SH3KBP1: variants seen among roughly 807,000 people sequenced by gnomAD.
The protein encoded by SH3KBP1 is SH3 domain-containing kinase-binding protein 1.
SH3KBP1 carries 8 observed loss-of-function variants against 50.1 expected under a neutral mutation model. That is an observed-to-expected ratio of 0.16 (90% CI 0.09 to 0.29). The LOEUF (loss-of-function observed/expected upper bound fraction) is 0.29. Among genes scored for constraint, SH3KBP1 ranks in the 10% least tolerant of loss-of-function variants. The pLI is 1.00. For synonymous variants in SH3KBP1, 227 were observed against 218.6 expected (o/e 1.04, Z -0.34); for missense variants, 377 against 535.2 (o/e 0.70, Z 2.92).
At chrX:19,592,203 AC>A in intron 10 of SH3KBP1, 56 bp from the exon 11 acceptor site, 1 of 940,677 alleles carries the variant, frequency 1.1e-6, no homozygotes. Flanking sequence ...CAATTATTAC[AC>A]CCACCAGCAT....
At chrX:19,643,307 A>ATTTTTTTTT (rs1216327847) in intron 7 of SH3KBP1, among the ~76,000 whole-genome samples, 3 of 74,583 alleles carry the variant, frequency 4.0e-5, no homozygotes, top group African/African-American at 1.4e-4. Flanking sequence ...AGAATTTTTT[A>ATTTTTTTTT]TTTTTTTTTT....
At chrX:19,691,289 T>TCGCA (rs1271590660) in intron 5 of SH3KBP1, among the ~76,000 whole-genome samples, 2 of 104,691 alleles carry the variant, frequency 1.9e-5, no homozygotes, top group African/African-American at 7.0e-5. Context: ...AGGTTTACTC[T>TCGCA]CGCACGCACG....
intron 3 of SH3KBP1, among the ~76,000 whole-genome samples, chrX:19,737,098 T>C (rs2064608024): frequency 9.1e-6 from 1 of 110,057 alleles, no homozygotes; most frequent in Admixed American, 9.7e-5. Context: ...ATAGAGACTA[T>C]AAAACATCTC....
intron 1 of SH3KBP1, among the ~76,000 whole-genome samples, chrX:19,836,853 C>T (rs2068073405): frequency 8.9e-6 from 1 of 111,777 alleles, no homozygotes; most frequent in African/African-American, 3.3e-5. Flanking sequence ...TACTCTCATG[C>T]TTTTCTTGTG....
chrX:19,850,012 T>C (rs1238841576), intron 1 of SH3KBP1, among the ~76,000 whole-genome samples: 2 of 111,779 alleles, frequency 1.8e-5, no homozygotes, highest in East Asian at 5.6e-4. Flanking sequence ...CTGGCGTAAC[T>C]CTAGCTGGTG....
chrX:19,589,679 A>G (rs990897176), intron 11 of SH3KBP1, among the ~76,000 whole-genome samples: 1 of 110,711 alleles, frequency 9.0e-6, no homozygotes, highest in Non-Finnish European at 1.9e-5. Context: ...CTTCTTGATA[A>G]AGATGGAACT....
chrX:19,799,600 C>G, intron 2 of SH3KBP1: 1 of 1,191,148 alleles, frequency 8.4e-7, no homozygotes, highest in Non-Finnish European at 1.1e-6. Flanking sequence ...ATGCAGACAT[C>G]GCAACAATCA....
intron 5 of SH3KBP1, among the ~76,000 whole-genome samples, chrX:19,692,021 T>C (rs1176526727): frequency 1.8e-5 from 2 of 111,763 alleles, no homozygotes; most frequent in Admixed American, 9.5e-5. Flanking sequence ...GTTAGAAATT[T>C]TCAATAATAA....
At chrX:19,643,474 T>G (rs2061919319) in intron 7 of SH3KBP1, among the ~76,000 whole-genome samples, 1 of 107,544 alleles carries the variant, frequency 9.3e-6, no homozygotes, top group South Asian at 4.2e-4. Flanking sequence ...TGGGCTCAAG[T>G]GATCCACTTG....
intron 1 of SH3KBP1, among the ~76,000 whole-genome samples, chrX:19,847,205 C>T (rs1389761641): frequency 2.7e-5 from 3 of 111,421 alleles, no homozygotes; most frequent in Non-Finnish European, 5.7e-5. Context: ...GCTTTCTCCC[C>T]GGCAGATTTA....
At chrX:19,628,287 C>T (rs2061499422) in intron 8 of SH3KBP1, among the ~76,000 whole-genome samples, 1 of 111,776 alleles carries the variant, frequency 8.9e-6, no homozygotes, top group African/African-American at 3.3e-5. Flanking sequence ...TTCCCACTTC[C>T]AGGGCCCAAG....
chrX:19,696,143 T>C lies in SH3KBP1; in HGVS notation c.391-402A>G, dbSNP rs776825424. 2.0e-3 allele frequency among the ~76,000 whole-genome samples: 226 copies of C among 111,748 alleles called. 1 individual carries two copies. Among genetic ancestry groups the C allele is most frequent in the Non-Finnish European group, 3.6e-3 (192 of 53,085 alleles). On this transcript the variant is annotated intron_variant, in intron 4 of 17. Transcript: ENST00000397821. ...TATCTCAAAATATCGTATGTGCTCA[T>C]TGCTGCTTTGAAATGGTGATAGTTA...
chrX:19,817,677 C>T (rs2067398023), intron 2 of SH3KBP1, among the ~76,000 whole-genome samples: 1 of 111,353 alleles, frequency 9.0e-6, no homozygotes, highest in African/African-American at 3.3e-5. Flanking sequence ...CTCTGTTGCC[C>T]AGGCTGGAGT....
At chrX:19,713,397 G>C (rs893353405) in intron 3 of SH3KBP1, among the ~76,000 whole-genome samples, 1 of 108,945 alleles carries the variant, frequency 9.2e-6, no homozygotes, top group African/African-American at 3.3e-5. Context: ...TGGGTAGCTG[G>C]GACTACCGAT....
chrX:19,714,401 T>G (rs1274105503), intron 3 of SH3KBP1, among the ~76,000 whole-genome samples: 3 of 111,949 alleles, frequency 2.7e-5, no homozygotes, highest in Non-Finnish European at 3.8e-5. Context: ...GGATACCCCA[T>G]TCTCCATGAT....
rs1178684451 is a variant in SH3KBP1 at position 19,725,444 on chromosome X, C to T, written c.287-18460G>A. Among the ~76,000 whole-genome samples the T allele has an allele frequency of 3.6e-5, 4 of 110,932 alleles. No homozygotes were observed. The Admixed American group carries it at 3.8e-4, about 11-fold the overall frequency. ...CATGATTCCGCTACTGCACTCCAAC[C>T]TCAGTGACAGAGTGAGACCCTGTCT... On this transcript the variant is annotated intron_variant, in intron 3 of 17. Coordinates refer to ENST00000397821, the MANE Select transcript of SH3KBP1 (RefSeq NM_031892.3).
At chrX:19,727,702 T>C (rs1290944772) in intron 3 of SH3KBP1, among the ~76,000 whole-genome samples, 1 of 112,449 alleles carries the variant, frequency 8.9e-6, no homozygotes, top group African/African-American at 3.2e-5. Flanking sequence ...AAATATCACT[T>C]AGGCCGGGCG....
rs1218475486 is a variant in SH3KBP1, at chrX:19,676,693, T to C, written c.726+7130A>G. Among the ~76,000 whole-genome samples, 5 of 112,272 alleles carry C rather than the reference T, an allele frequency of 4.5e-5. 1 individual carries two copies. Among genetic ancestry groups the C allele is most frequent in the Non-Finnish European group, 9.4e-5 (5 of 53,250 alleles). Reference sequence around the variant, plus strand: ...TATGAAAATACTTAAATTCTCTTACTGTAATTTGGCTAATTAAAAACTTGA... The same window carrying C: ...TATGAAAATACTTAAATTCTCTTACCGTAATTTGGCTAATTAAAAACTTGA... On this transcript the variant is annotated intron_variant, in intron 6 of 17. Transcript: ENST00000397821.
At chrX:19,719,849 C>CTAATAA (rs59706273) in intron 3 of SH3KBP1, among the ~76,000 whole-genome samples, 2,317 of 100,555 alleles carry the variant, frequency 0.023, 37 homozygotes, top group Non-Finnish European at 0.038. Flanking sequence ...CCACCTCTAA[C>CTAATAA]TAATAATAAT....
Sources: allele counts gnomAD v4.1 joint callset (sites outside exome capture counted in the v4.1 genomes callset), GRCh38; gene constraint gnomAD v4.1.1; transcripts MANE v1.5; gene names NCBI Gene and HGNC (gene_info 2026-07-23, HGNC 2026-07-21).